Variants in GGH observed in about 807,000 individuals in gnomAD.
GGH encodes the protein gamma-glutamyl hydrolase.
A neutral mutation model predicts 39.2 loss-of-function variants in GGH; 18 were observed. That is an observed-to-expected ratio of 0.46 (90% CI 0.32 to 0.68). The LOEUF is 0.68. GGH is among the 30% of genes least tolerant of loss of function. GGH has a pLI of 0.04. For missense variants in GGH, 367 were observed against 384.1 expected (o/e 0.96, Z 0.37); for synonymous variants, 147 against 138.8 (o/e 1.06, Z -0.42).
intron 1 of GGH, among the ~76,000 whole-genome samples, chr8:63,037,987 T>C (rs1008715128): frequency 1.3e-5 from 2 of 152,238 alleles, no homozygotes; most frequent in African/African-American, 4.8e-5. Flanking sequence ...CACACAAATT[T>C]CTTTGGGCAA....
At position 63,038,669 on chromosome 8, in the gene GGH, G is replaced by A; in HGVS notation, c.100C>T (p.Pro34Ser). ...SRPHGDTAKK[P>S]IIGILMQKCR... Reference sequence around the variant, plus strand: ...CGCACAGCCTCCTTACCGATGATGGGCTTCTTGGCGGTGTCGCCGTGGGGT... The same window carrying A: ...CGCACAGCCTCCTTACCGATGATGGACTTCTTGGCGGTGTCGCCGTGGGGT... The change falls in exon 1 of 9, where the codon CCC becomes TCC. Residue 34 changes from proline to serine, a missense_variant. Coordinates refer to ENST00000260118, the MANE Select transcript of GGH (RefSeq NM_003878.3). The A allele has an allele frequency of 1.3e-6, 2 of 1,529,264 alleles. No homozygotes were observed. Among genetic ancestry groups the A allele is most frequent in the African/African-American group, 1.4e-5 (1 of 71,610 alleles). The allele number at this position is 1,529,264 out of a possible 1,614,324, so 94.7% of individuals were successfully genotyped here.
At chr8:63,016,317 TA>T (rs1391703903) in intron 8 of GGH, among the ~76,000 whole-genome samples, 3 of 152,056 alleles carry the variant, frequency 2.0e-5, no homozygotes, top group African/African-American at 7.3e-5. Flanking sequence ...GTATATGGGA[TA>T]CTTTTTTTTT....
chr8:63,027,157 T>C (rs751365620), intron 4 of GGH, 24 bp downstream of exon 4: 22 of 1,055,554 alleles, frequency 2.1e-5, no homozygotes, highest in Admixed American at 5.1e-5. Flanking sequence ...CCATCTGGAA[T>C]AATAAGCAAT....
At chr8:63,025,234 C>T in intron 5 of GGH, 1 of 152,106 alleles carries the variant, frequency 6.6e-6, no homozygotes, top group South Asian at 2.1e-4. Flanking sequence ...AGGTGGGTCC[C>T]TCAATTATTT....
intron 1 of GGH, among the ~76,000 whole-genome samples, chr8:63,037,062 G>A (rs1268688455): frequency 6.6e-6 from 1 of 152,154 alleles, no homozygotes. Flanking sequence ...TTCAGCATTT[G>A]GAACACTTTC....
intron 3 of GGH, chr8:63,028,046 T>C (rs1804729910): frequency 6.6e-6 from 1 of 152,108 alleles, no homozygotes; most frequent in Admixed American, 6.6e-5. Flanking sequence ...ATTTTGAAAA[T>C]ATTTAAATAC....
chr8:63,035,803 A>T, intron 1 of GGH, 33 bp from the exon 2 acceptor site: 1 of 1,552,816 alleles, frequency 6.4e-7, no homozygotes, highest in South Asian at 1.2e-5. Flanking sequence ...TTTCAAGCAA[A>T]TTCCTTTTCT....
chr8:63,028,017 T>C (rs1046646152), intron 3 of GGH: 4 of 151,976 alleles, frequency 2.6e-5, no homozygotes, highest in African/African-American at 9.7e-5. Context: ...GTAAGAAAAA[T>C]GGTATTAATC....
At chr8:63,029,646 T>C (rs1000762404) in intron 3 of GGH, among the ~76,000 whole-genome samples, 1 of 152,278 alleles carries the variant, frequency 6.6e-6, no homozygotes, top group African/African-American at 2.4e-5. Flanking sequence ...TAATAAAGTA[T>C]GAGCACACTT....
At chr8:63,030,094 TATG>T in intron 3 of GGH, 70 bp downstream of exon 3, 1 of 710,160 alleles carries the variant, frequency 1.4e-6, no homozygotes, top group South Asian at 1.8e-5. Context: ...ATAATATTTA[TATG>T]ATTTCTTTTA....
rs953642435 is a variant in GGH, at chr8:63,015,244, C to A, written c.*88G>T. The A allele has an allele frequency of 5.7e-5, 38 of 661,912 alleles. No individual in the cohort carries two copies. In the African/African-American group the frequency reaches 6.8e-4, roughly 12 times the overall value. 41.0% of individuals were successfully genotyped at this position (661,912 alleles called of 1,614,324 possible). On this transcript the variant is annotated 3_prime_UTR_variant, in exon 9 of 9. Coordinates refer to ENST00000260118, the MANE Select transcript of GGH (RefSeq NM_003878.3). ...GCACATTATAGAAAAGAATCTGTGA[C>A]TTCCTAATCTTGCCATGAGTAGCAA...
At chr8:63,016,583 T>C (rs933762065) in intron 8 of GGH, among the ~76,000 whole-genome samples, 1 of 152,236 alleles carries the variant, frequency 6.6e-6, no homozygotes, top group African/African-American at 2.4e-5. Context: ...CTTAACGTCA[T>C]CGATAGGTTC....
intron 7 of GGH, among the ~76,000 whole-genome samples, chr8:63,018,294 T>C (rs1804523920): frequency 6.6e-6 from 1 of 152,156 alleles, no homozygotes; most frequent in African/African-American, 2.4e-5. Context: ...AAAAAGTGAA[T>C]ATGTGTAATA....
intron 2 of GGH, among the ~76,000 whole-genome samples, chr8:63,035,085 A>G (rs1355018664): frequency 1.3e-5 from 2 of 151,984 alleles, no homozygotes; most frequent in African/African-American, 4.8e-5. Flanking sequence ...GTCTGTGAGA[A>G]CCACCTTTTC....
rs774961392 is a variant in GGH, at chr8:63,026,203, C to T, written c.454G>A (p.Ala152Thr). The T allele has an allele frequency of 1.7e-5, 27 of 1,610,308 alleles. 1 individual carries two copies. In the South Asian group the frequency reaches 3.0e-4, roughly 18 times the overall value. ...LLISGECLLTATDTVDVAMPL... is the reference protein window; with the variant it reads ...LLISGECLLTTTDTVDVAMPL... ...ATTGCCACGTCAACAGTATCTGTGG[C>T]AGTTAATAAGCACTCTCCACTAATC... The change falls in exon 5 of 9, where the codon GCC becomes ACC. Residue 152 changes from alanine (A) to threonine (T), a missense_variant. By Grantham distance (58) the Ala-to-Thr change is moderately conservative. Coordinates refer to ENST00000260118, the MANE Select transcript of GGH (RefSeq NM_003878.3).
chr8:63,035,339 T>A lies in GGH; in HGVS notation c.224+317A>T, dbSNP rs539278466. Among the ~76,000 whole-genome samples the A allele has an allele frequency of 2.0e-5, 3 of 152,280 alleles. No homozygotes were observed. In the South Asian group the frequency reaches 6.2e-4, roughly 32 times the overall value. On this transcript the variant is annotated intron_variant, in intron 2 of 8. Coordinates refer to ENST00000260118, the MANE Select transcript of GGH (RefSeq NM_003878.3). ...TTATTATTTTGAGATGGAGTCTCGA[T>A]CTGTTGCCCAAACTGGAGTGCAGTG...
chr8:63,027,660 T>C (rs530085177), intron 3 of GGH, among the ~76,000 whole-genome samples: 1 of 152,236 alleles, frequency 6.6e-6, no homozygotes, highest in Admixed American at 6.5e-5. Context: ...AGGTCCATAA[T>C]TATGGGTAGG....
chr8:63,038,705 C>T lies in GGH; in HGVS notation c.64G>A (p.Glu22Lys). 5 of 1,583,400 alleles carry T rather than the reference C, an allele frequency of 3.2e-6. 1 individual carries two copies. The South Asian group carries it at 3.4e-5, about 11-fold the overall frequency. ...GTGTCGCCGTGGGGTCTAGACAGCTCGAGGCTCGCCGCCCCGCAGAGTAGC... is the reference window on the plus strand; with the variant it reads ...GTGTCGCCGTGGGGTCTAGACAGCTTGAGGCTCGCCGCCCCGCAGAGTAGC... Reference protein sequence around the residue: ...GLLLCGAASLELSRPHGDTAK... With the variant: ...GLLLCGAASLKLSRPHGDTAK... The change falls in exon 1 of 9, where the codon GAG (glutamate) becomes AAG (lysine). Residue 22 changes from glutamate (E) to lysine (K), a missense_variant. Physicochemically the swap from Glu to Lys is moderately conservative, Grantham distance 56 (BLOSUM62 1). Coordinates refer to ENST00000260118, the MANE Select transcript of GGH (RefSeq NM_003878.3).
intron 1 of GGH, among the ~76,000 whole-genome samples, chr8:63,036,629 C>G (rs532557249): frequency 6.6e-6 from 1 of 152,116 alleles, no homozygotes; most frequent in African/African-American, 2.4e-5. Flanking sequence ...CAAGTCCTCC[C>G]TGAGAAGGTA....
Sources: gnomAD v4.1 joint callset for allele counts (sites outside exome capture counted in the v4.1 genomes callset) on GRCh38, gnomAD v4.1.1 for gene constraint, MANE v1.5 for transcripts, NCBI Gene and HGNC (gene_info 2026-07-23, HGNC 2026-07-21) for gene names.